Variants in ELFN2 observed in about 807,000 individuals in gnomAD.
ELFN2 encodes the protein extracellular leucine rich repeat and fibronectin type III domain containing 2.
In ELFN2, 17 loss-of-function variants were observed where a neutral mutation model predicts 45.5. The ratio of observed to expected loss-of-function variants is 0.37; its 90% CI spans 0.26 to 0.56. The LOEUF is 0.56. Among genes scored for constraint, ELFN2 ranks in the 20% least tolerant of loss-of-function variants. The pLI is 0.77. For synonymous variants in ELFN2, 550 were observed against 551.5 expected (o/e 1.00, Z 0.04); for missense variants, 922 against 1,183.2 (o/e 0.78, Z 3.24).
intron 1 of ELFN2, among the ~76,000 whole-genome samples, chr22:37,347,551 C>G (rs1295656477): frequency 6.6e-6 from 1 of 151,978 alleles, no homozygotes; most frequent in Non-Finnish European, 1.5e-5. Flanking sequence ...GTACCTGGGG[C>G]CTGCAGCCGC....
rs896800661 is a variant in ELFN2, at chr22:37,351,639, T to G, written n.149-8936A>C. ...GTTCAAGGCTTGGAGAAAAGAGCACTGGGCTGGGACTCGAGACCTGCGTGC... is the reference window on the plus strand; with the variant it reads ...GTTCAAGGCTTGGAGAAAAGAGCACGGGGCTGGGACTCGAGACCTGCGTGC... On this transcript the variant is annotated intron_variant and non_coding_transcript_variant, in intron 1 of 2. Coordinates refer to ENST00000452946, the Ensembl canonical transcript of ELFN2. Among the ~76,000 whole-genome samples the G allele has an allele frequency of 2.7e-5, 4 of 149,034 alleles. No homozygotes were observed. The South Asian group carries it at 8.5e-4, about 32-fold the overall frequency.
intron 1 of ELFN2, among the ~76,000 whole-genome samples, chr22:37,344,282 AC>A (rs1174684262): frequency 1.4e-5 from 2 of 145,332 alleles, no homozygotes. Flanking sequence ...GCAGCCACCA[AC>A]CCTCCCACAG....
chr22:37,343,698 G>C (rs1440977721), intron 1 of ELFN2, among the ~76,000 whole-genome samples: 1 of 141,586 alleles, frequency 7.1e-6, no homozygotes, highest in African/African-American at 2.7e-5. Context: ...CCCACCCCTT[G>C]GCTCCCAGAC....
At chr22:37,397,192 G>A (rs1932235174) in intron 2 of ELFN2, among the ~76,000 whole-genome samples, 1 of 152,276 alleles carries the variant, frequency 6.6e-6, no homozygotes, top group African/African-American at 2.4e-5. Context: ...GCTCCAAGTG[G>A]CATCCCACTG....
intron 1 of ELFN2, chr22:37,353,683 G>A (rs1200599257): frequency 6.6e-6 from 1 of 150,974 alleles, no homozygotes; most frequent in Admixed American, 6.6e-5. Flanking sequence ...TCATCATCAG[G>A]GAAATGCGAA....
intron 1 of ELFN2, among the ~76,000 whole-genome samples, chr22:37,356,283 C>A (rs1202854175): frequency 6.6e-6 from 1 of 152,152 alleles, no homozygotes; most frequent in Non-Finnish European, 1.5e-5. Flanking sequence ...GGCCTTCACT[C>A]CCCAGAATTC....
rs754545139 is a variant in ELFN2 at position 37,374,368 on chromosome 22, G to A, written c.1167C>T (p.Pro389=). ...TGTAGTGGGTGGTGGTGGAGGTGCT[G>A]GGCGCCAAGTCTCCGGGGACGGGGT... ...TRDPVPGDLA[P]STSTTTHYIM... The change falls in exon 3 of 3, where the codon CCC becomes CCT. Residue 389 remains proline (P), a synonymous_variant. Coordinates refer to ENST00000402918, the MANE Select transcript of ELFN2 (RefSeq NM_052906.5). The A allele has an allele frequency of 2.4e-5, 39 of 1,613,888 alleles. No individual in the cohort carries two copies. In the East Asian group the frequency reaches 7.6e-4, roughly 31 times the overall value.
chr22:37,423,928 G>A (rs1338433480), intron 1 of ELFN2, among the ~76,000 whole-genome samples: 1 of 152,194 alleles, frequency 6.6e-6, no homozygotes, highest in Non-Finnish European at 1.5e-5. Flanking sequence ...ATTGAGCCAA[G>A]AGAAGGTTAA....
At chr22:37,344,211 C>T (rs1302554310) in intron 1 of ELFN2, among the ~76,000 whole-genome samples, 1 of 146,012 alleles carries the variant, frequency 6.8e-6, no homozygotes, top group Non-Finnish European at 1.5e-5. Context: ...CTGCCCATGC[C>T]CCCTGCCCAC....
chr22:37,426,458 C>G (rs997086254), intron 1 of ELFN2, among the ~76,000 whole-genome samples: 1 of 151,972 alleles, frequency 6.6e-6, no homozygotes, highest in African/African-American at 2.4e-5. Context: ...TGTATACAGA[C>G]AGAGAGCAGG....
chr22:37,399,866 T>C (rs944508662), intron 2 of ELFN2, among the ~76,000 whole-genome samples: 9 of 152,146 alleles, frequency 5.9e-5, no homozygotes, highest in African/African-American at 2.2e-4. Flanking sequence ...TTGCTCCTCC[T>C]GGTAAATGAA....
chr22:37,362,233 A>C (rs1931105915), intron 1 of ELFN2, among the ~76,000 whole-genome samples: 2 of 152,096 alleles, frequency 1.3e-5, no homozygotes, highest in African/African-American at 4.8e-5. Context: ...TCTCACATAT[A>C]TGCCCTGTGG....
At chr22:37,353,776 G>A (rs1405487958) in intron 1 of ELFN2, 1 of 151,048 alleles carries the variant, frequency 6.6e-6, no homozygotes, top group Non-Finnish European at 1.5e-5. Flanking sequence ...GCTTGGCCAG[G>A]AGGCAGCAGC....
At chr22:37,360,532 G>A (rs188319597) in intron 1 of ELFN2, among the ~76,000 whole-genome samples, 127 of 152,272 alleles carry the variant, frequency 8.3e-4, no homozygotes, top group African/African-American at 2.5e-3. Flanking sequence ...GTTAAGAGCC[G>A]TGGACCACGT....
rs952571889 is a variant in ELFN2, at chr22:37,372,919, GGTGT to G, written c.*149_*152del. The G allele has an allele frequency of 9.4e-6, 7 of 747,580 alleles. No individual in the cohort carries two copies. In the Admixed American group the frequency reaches 1.2e-4, roughly 13 times the overall value. The allele number at this position is 747,580 out of a possible 1,614,324, so 46.3% of individuals were successfully genotyped here. The stretch of plus-strand genomic sequence containing the variant: ...TTTGTTCACAGTCGGGTGGTGGTCA[GGTGT>G]GTGTGTGCGTGCGTGCGTGCGGGTC... On this transcript the variant is annotated 3_prime_UTR_variant, in exon 3 of 3. Transcript: ENST00000402918. The surrounding 1 kb of genome is among the most constrained non-coding windows in gnomAD (Gnocchi z 4.4).
At chr22:37,358,631 C>A (rs771441206) in intron 1 of ELFN2, among the ~76,000 whole-genome samples, 3 of 152,210 alleles carry the variant, frequency 2.0e-5, no homozygotes, top group African/African-American at 7.2e-5. Flanking sequence ...CAATCACTGG[C>A]AGGGGGAGTG....
rs566821501 is a variant in ELFN2, at chr22:37,399,726, C to T, written c.-463+18043G>A. Among the ~76,000 whole-genome samples, 3 of 152,298 alleles carry T rather than the reference C, an allele frequency of 2.0e-5. No individual in the cohort carries two copies. The East Asian group carries it at 5.8e-4, about 29-fold the overall frequency. ...CCCCCTGCGTCGCACACCTGGGCCACCGGCCTCTGCCCTCACCGGCTGCTG... is the reference window on the plus strand; with the variant it reads ...CCCCCTGCGTCGCACACCTGGGCCATCGGCCTCTGCCCTCACCGGCTGCTG... On this transcript the variant is annotated intron_variant, in intron 2 of 2. Coordinates refer to ENST00000402918, the MANE Select transcript of ELFN2 (RefSeq NM_052906.5).
chr22:37,384,242 G>A (rs1423781550), intron 2 of ELFN2, among the ~76,000 whole-genome samples: 1 of 152,022 alleles, frequency 6.6e-6, no homozygotes, highest in Admixed American at 6.5e-5. Flanking sequence ...TCTAGGGGCA[G>A]CTGTAACCAC....
chr22:37,387,057 C>T (rs1029294832), intron 2 of ELFN2, among the ~76,000 whole-genome samples: 1 of 152,196 alleles, frequency 6.6e-6, no homozygotes, highest in African/African-American at 2.4e-5. Flanking sequence ...CGCGTGGCAC[C>T]GTGGCACACG....
Sources: allele counts gnomAD v4.1 joint callset (sites outside exome capture counted in the v4.1 genomes callset), GRCh38; gene constraint gnomAD v4.1.1; non-coding constraint Gnocchi (gnomAD v3.1); transcripts MANE v1.5; gene names NCBI Gene and HGNC (gene_info 2026-07-23, HGNC 2026-07-21).